The following CDH23 variants were observed in gnomAD, a reference collection of about 807,000 sequenced individuals.
The protein encoded by CDH23 is cadherin related 23.
CDH23 carries 189 observed loss-of-function variants against 317.1 expected under a neutral mutation model. The ratio of observed to expected loss-of-function variants is 0.60; its 90% CI spans 0.53 to 0.67. The LOEUF is 0.67. Ranked by LOEUF, CDH23 falls within the 30% of genes least tolerant of loss-of-function variation. The pLI, the probability that CDH23 is intolerant of heterozygous loss-of-function variation, is 0.00. For missense variants in CDH23, 4,401 were observed against 4,592.4 expected (o/e 0.96, Z 1.20); for synonymous variants, 1,839 against 1,876.8 (o/e 0.98, Z 0.52).
intron 1 of CDH23, among the ~76,000 whole-genome samples, chr10:71,410,194 GTGCT>G (rs1053125757): frequency 5.9e-4 from 90 of 152,350 alleles, no homozygotes; most frequent in African/African-American, 2.1e-3. Context: ...CTTAGAAAAA[GTGCT>G]TGGCACATAG....
Position 71,811,596 on chromosome 10 carries a change from T to G in CDH23, c.9278+6T>G. ...AACTGGTACTACAGGACTGTGTGAG[T>G]GTCCCCCACCCCTGCCATCAGGGGG... is the stretch of plus-strand genomic sequence containing the variant. On this transcript the variant is annotated splice_donor_region_variant and intron_variant, in intron 64 of 69. Transcript: ENST00000224721. The G allele has an allele frequency of 6.2e-7, 1 of 1,613,866 alleles. No individual in the cohort carries two copies. Among genetic ancestry groups the G allele is most frequent in the East Asian group, 2.2e-5 (1 of 44,870 alleles).
At chr10:71,569,004 C>T (rs1229483291) in intron 7 of CDH23, among the ~76,000 whole-genome samples, 1 of 152,242 alleles carries the variant, frequency 6.6e-6, no homozygotes, top group East Asian at 1.9e-4. Context: ...GAGCCACTGG[C>T]ATCCCCTGTC....
At chr10:71,570,710 C>T in intron 7 of CDH23, 80 bp from the exon 8 acceptor site, 1 of 1,451,174 alleles carries the variant, frequency 6.9e-7, no homozygotes, top group Non-Finnish European at 9.4e-7. Context: ...CGGTGCAGGT[C>T]TGTGTGTGTG....
chr10:71,478,642 G>A (rs1851912867), intron 3 of CDH23, among the ~76,000 whole-genome samples: 1 of 152,124 alleles, frequency 6.6e-6, no homozygotes, highest in Non-Finnish European at 1.5e-5. Flanking sequence ...TTCATTAGAT[G>A]CTGTTGGGGC....
At chr10:71,642,508 C>T (rs1564704739) in intron 11 of CDH23, among the ~76,000 whole-genome samples, 2 of 150,190 alleles carry the variant, frequency 1.3e-5, no homozygotes, top group African/African-American at 4.9e-5. Flanking sequence ...AAGCAATTCT[C>T]CTGTCTCAGC....
intron 14 of CDH23, among the ~76,000 whole-genome samples, chr10:71,661,239 T>C (rs528528438): frequency 3.3e-5 from 5 of 152,096 alleles, no homozygotes; most frequent in African/African-American, 1.2e-4. Flanking sequence ...TTAGCCAACA[T>C]ACAAGCTGAC....
intron 9 of CDH23, among the ~76,000 whole-genome samples, chr10:71,598,883 G>A (rs572515777): frequency 5.1e-4 from 77 of 152,328 alleles, no homozygotes; most frequent in African/African-American, 1.7e-3. Context: ...TTCTCTGAAC[G>A]CCTACTTGGT....
At chr10:71,797,758 G>A (rs773838108) in intron 49 of CDH23, among the ~76,000 whole-genome samples, 7 of 152,218 alleles carry the variant, frequency 4.6e-5, no homozygotes, top group Non-Finnish European at 1.0e-4. Context: ...CATCCTGCCT[G>A]CAGCCTGAGG....
At chr10:71,779,480 G>A in intron 41 of CDH23, 33 bp downstream of exon 41, 14 of 1,561,904 alleles carry the variant, frequency 9.0e-6, no homozygotes, top group Non-Finnish European at 1.1e-5. Context: ...CACCCACAGG[G>A]TCTCACCTGC....
At chr10:71,730,226 C>A (rs555897845) in intron 30 of CDH23, among the ~76,000 whole-genome samples, 1 of 152,316 alleles carries the variant, frequency 6.6e-6, no homozygotes, top group South Asian at 2.1e-4. Context: ...CAGCATTAGT[C>A]AAAAAGCCAA....
In CDH23 at chr10:71,791,213, A is replaced by T. The variant is rs768886823; in HGVS notation, c.6131A>T (p.Glu2044Val). Residue 2044 changes from glutamate (E) to valine (V), a missense_variant, in exon 47 of 70, where the codon GAG (glutamate) becomes GTG (valine). Transcript: ENST00000224721. The stretch of plus-strand genomic sequence containing the variant: ...ATCCTGGAGCTGCTGCTGCTGGCTG[A>T]GGACATCGGGCTGCTCAACAGCACG... ...PPILELLLLA[E>V]DIGLLNSTAH... is the part of the protein sequence containing the mutation. 6.8e-6 allele frequency: 11 copies of T among 1,613,644 alleles called. No individual in the cohort carries two copies. The South Asian group carries it at 1.2e-4, about 18-fold the overall frequency.
chr10:71,414,477 G>A (rs944106198), intron 1 of CDH23, among the ~76,000 whole-genome samples: 1 of 152,162 alleles, frequency 6.6e-6, no homozygotes, highest in Non-Finnish European at 1.5e-5. Flanking sequence ...ATTTTCAAAA[G>A]TTAACCAACC....
rs753890659 is a variant in CDH23 at position 71,780,123 on chromosome 10, A to G, written c.5368+676A>G. 7.2e-5 allele frequency among the ~76,000 whole-genome samples: 11 copies of G among 152,334 alleles called. No homozygotes were observed. The South Asian group carries it at 2.3e-3, about 32-fold the overall frequency. On this transcript the variant is annotated intron_variant, in intron 41 of 69. Transcript: ENST00000224721. The stretch of plus-strand genomic sequence containing the variant: ...TGGGAGTACCTGGGCCCATTTTGAA[A>G]AGAAAAGCAGAAATCCAAATCTTTG...
At chr10:71,434,701 AT>A (rs146566753) in intron 1 of CDH23, among the ~76,000 whole-genome samples, 3,962 of 152,192 alleles carry the variant, frequency 0.026, 178 homozygotes, top group African/African-American at 0.089. Flanking sequence ...AATCTGAGAA[AT>A]TTGCAGTCAG....
chr10:71,445,747 C>A (rs867943797), intron 2 of CDH23, among the ~76,000 whole-genome samples: 21 of 148,450 alleles, frequency 1.4e-4, no homozygotes, highest in Middle Eastern at 7.1e-3. Flanking sequence ...AATTGGGAGG[C>A]TGAGGCAGGA....
At chr10:71,675,043 T>C in intron 14 of CDH23, 69 bp from the exon 15 acceptor site, 1 of 1,417,472 alleles carries the variant, frequency 7.1e-7, no homozygotes, top group Non-Finnish European at 1.0e-6. Context: ...GAGAGGAACA[T>C]GGGTTTCCTG....
At chr10:71,716,261 G>A (rs1866230045) in intron 28 of CDH23, 1 of 1,543,256 alleles carries the variant, frequency 6.5e-7, no homozygotes, top group African/African-American at 1.4e-5. Flanking sequence ...AAGGGTCCCG[G>A]GAGTGACGGG....
intron 14 of CDH23, among the ~76,000 whole-genome samples, chr10:71,665,047 T>A (rs992436427): frequency 6.6e-6 from 1 of 152,244 alleles, no homozygotes; most frequent in African/African-American, 2.4e-5. Context: ...TTCTTTCATC[T>A]ATTTAGCTGA....
At chr10:71,812,159 C>G (rs1841953877) in intron 66 of CDH23, 144 bp downstream of exon 66, 2 of 1,586,668 alleles carry the variant, frequency 1.3e-6, no homozygotes, top group African/African-American at 2.7e-5. Flanking sequence ...CTCCCTTCAC[C>G]CTCCCTCCAC....
Sources: gnomAD v4.1 joint callset for allele counts (sites outside exome capture counted in the v4.1 genomes callset) on GRCh38, gnomAD v4.1.1 for gene constraint, MANE v1.5 for transcripts, NCBI Gene and HGNC (gene_info 2026-07-23, HGNC 2026-07-21) for gene names.